Variants in SLC25A43 observed in about 807,000 individuals in gnomAD.
The protein encoded by SLC25A43 is solute carrier family 25, member 43.
SLC25A43 carries 10 observed loss-of-function variants against 22.8 expected under a neutral mutation model. The ratio of observed to expected loss-of-function variants is 0.44; its 90% CI spans 0.27 to 0.74. The LOEUF (loss-of-function observed/expected upper bound fraction) is 0.74. SLC25A43 is among the 30% of genes least tolerant of loss of function. SLC25A43 has a pLI of 0.17. For synonymous variants in SLC25A43, 106 were observed against 121.6 expected, an observed-to-expected ratio of 0.87 and a Z score of 0.84; for missense variants, 233 against 279.1, an observed-to-expected ratio of 0.83 and a Z score of 1.18.
intron 3 of SLC25A43, among the ~76,000 whole-genome samples, chrX:119,441,767 A>G (rs987024019): frequency 1.8e-5 from 2 of 111,670 alleles, no homozygotes; most frequent in East Asian, 5.6e-4. Context: ...TGTTTTAAGC[A>G]GGTGAGTAAA....
intron 3 of SLC25A43, among the ~76,000 whole-genome samples, chrX:119,421,393 A>G (rs1399797886): frequency 1.8e-5 from 2 of 111,909 alleles, no homozygotes; most frequent in African/African-American, 3.3e-5. Flanking sequence ...CTGGCAAATG[A>G]AAATTGTTAA....
Position 119,399,428 on chromosome X carries a change from C to G in SLC25A43, c.25C>G (p.Arg9Gly). 1 of 1,025,109 alleles carries G rather than the reference C, an allele frequency of 9.8e-7. No individual in the cohort carries two copies. Among genetic ancestry groups the G allele is most frequent in the Non-Finnish European group, 1.2e-6 (1 of 805,809 alleles). The allele number at this position is 1,025,109 out of a possible 1,213,427, so 84.5% of individuals were successfully genotyped here. MATWRRDGRLTGGQRLLCA... is the reference protein window; with the variant it reads MATWRRDGGLTGGQRLLCA... ...GATGGCTACGTGGAGGCGGGACGGC[C>G]GACTGACAGGCGGCCAAAGGCTGCT... The change falls in exon 1 of 5, where the codon CGA becomes GGA. Residue 9 changes from arginine (R) to glycine (G), a missense_variant. By Grantham distance (125) the Arg-to-Gly change is moderately radical (BLOSUM62 -2). Transcript: ENST00000217909.
intron 3 of SLC25A43, among the ~76,000 whole-genome samples, chrX:119,431,551 A>C (rs1569373302): frequency 9.0e-6 from 1 of 111,704 alleles, no homozygotes; most frequent in African/African-American, 3.2e-5. Context: ...AAGAGGAAAA[A>C]AAAGAAAGAA....
At chrX:119,451,827 T>C in intron 3 of SLC25A43, 182 bp from the exon 4 acceptor site, 6 of 1,070,800 alleles carry the variant, frequency 5.6e-6, no homozygotes, top group Non-Finnish European at 7.3e-6. Context: ...ATGATTGTAT[T>C]GCACGTTAAT....
intron 3 of SLC25A43, among the ~76,000 whole-genome samples, chrX:119,422,162 G>A (rs1160812697): frequency 1.8e-5 from 2 of 111,965 alleles, no homozygotes; most frequent in Non-Finnish European, 3.8e-5. Context: ...TGATCCACCC[G>A]CCTCAGCCTC....
intron 3 of SLC25A43, among the ~76,000 whole-genome samples, chrX:119,443,441 T>A (rs1241799002): frequency 3.2e-5 from 2 of 62,232 alleles, no homozygotes; most frequent in Non-Finnish European, 5.8e-5. Flanking sequence ...ATTCTCTCTC[T>A]CTCTCTCTTT....
chrX:119,431,415 A>G (rs2052550050), intron 3 of SLC25A43, among the ~76,000 whole-genome samples: 1 of 109,892 alleles, frequency 9.1e-6, no homozygotes, highest in Non-Finnish European at 1.9e-5. Flanking sequence ...CAAGAGGCTG[A>G]GGCAGGAGAA....
At position 119,443,268 on chromosome X, in the gene SLC25A43, T is replaced by C. The variant is rs770879051; in HGVS notation, c.691-8741T>C. On this transcript the variant is annotated intron_variant, in intron 3 of 4. Coordinates refer to ENST00000217909, the MANE Select transcript of SLC25A43 (RefSeq NM_145305.3). ...CCGAGTGGCCGGGATTACAGGCATC[T>C]GCCACCATGCCCGGCTAATTTTTGT... Among the ~76,000 whole-genome samples, 631 of 107,980 alleles carry C rather than the reference T, an allele frequency of 5.8e-3. 5 individuals are homozygous for C. Among genetic ancestry groups the C allele is most frequent in the African/African-American group, 0.02 (582 of 29,601 alleles). The allele number at this position is 107,980 out of a possible 115,157, so 93.8% of individuals were successfully genotyped here.
At chrX:119,399,950 C>T (rs1290725964) in intron 1 of SLC25A43, among the ~76,000 whole-genome samples, 4 of 112,517 alleles carry the variant, frequency 3.6e-5, no homozygotes, top group Admixed American at 9.3e-5. Flanking sequence ...CGGATTGGAC[C>T]GGGCGAGGAG....
At chrX:119,450,327 C>T (rs894723611) in intron 3 of SLC25A43, among the ~76,000 whole-genome samples, 2 of 110,890 alleles carry the variant, frequency 1.8e-5, no homozygotes, top group African/African-American at 6.6e-5. Flanking sequence ...ACCAGGAGGT[C>T]GACAATGGAA....
At chrX:119,448,117 AT>A (rs1472329415) in intron 3 of SLC25A43, among the ~76,000 whole-genome samples, 1 of 111,528 alleles carries the variant, frequency 9.0e-6, no homozygotes, top group Admixed American at 9.6e-5. Flanking sequence ...CTTTAGAGCC[AT>A]CCTTGACTCT....
At chrX:119,452,685 C>A (rs2052715800) in intron 4 of SLC25A43, among the ~76,000 whole-genome samples, 180 bp from the exon 5 acceptor site, 1 of 111,225 alleles carries the variant, frequency 9.0e-6, no homozygotes, top group African/African-American at 3.3e-5. Flanking sequence ...CCTCTCCCAA[C>A]CCACACTGAG....
intron 3 of SLC25A43, among the ~76,000 whole-genome samples, chrX:119,419,076 G>A (rs753849781): frequency 9.8e-5 from 11 of 112,316 alleles, no homozygotes; most frequent in Non-Finnish European, 2.1e-4. Context: ...CTCTGCACAG[G>A]TGCATGTGAA....
At position 119,454,451 on chromosome X, in the gene SLC25A43, C is replaced by T. The variant is rs747178251; in HGVS notation, c.*1386C>T. 2.7e-5 allele frequency: 3 copies of T among 111,967 alleles called. No homozygotes were observed. Among genetic ancestry groups the T allele is most frequent in the Admixed American group, 9.5e-5 (1 of 10,490 alleles). 9.2% of individuals were successfully genotyped at this position (111,967 alleles called of 1,213,427 possible). A position where few individuals can be genotyped will look rare whatever the true frequency, so the allele number is the denominator to read the frequency against. On this transcript the variant is annotated 3_prime_UTR_variant, in exon 5 of 5. Transcript: ENST00000217909. ...TTCGGTATGTTGCAAGTATTTTTTC[C>T]GATTAAATTTATTTTCCAAAGAAAA...
At chrX:119,409,745 A>C (rs972157033) in intron 2 of SLC25A43, among the ~76,000 whole-genome samples, 2 of 109,607 alleles carry the variant, frequency 1.8e-5, no homozygotes, top group Non-Finnish European at 3.8e-5. Context: ...TCTCCCAAGT[A>C]GCTGGGATTA....
intron 3 of SLC25A43, among the ~76,000 whole-genome samples, chrX:119,442,214 G>T (rs2052628528): frequency 8.9e-6 from 1 of 112,605 alleles, no homozygotes; most frequent in Admixed American, 9.4e-5. Context: ...GCAGGTAAGA[G>T]TTCAGTCAAG....
intron 3 of SLC25A43, among the ~76,000 whole-genome samples, chrX:119,424,683 G>T (rs905343643): frequency 8.9e-6 from 1 of 112,445 alleles, no homozygotes; most frequent in Non-Finnish European, 1.9e-5. Context: ...GTCTTAATCC[G>T]TTCAGGCTGC....
intron 3 of SLC25A43, among the ~76,000 whole-genome samples, chrX:119,432,234 G>C (rs1156691297): frequency 8.9e-6 from 1 of 111,777 alleles, no homozygotes; most frequent in Non-Finnish European, 1.9e-5. Flanking sequence ...CTCAATATGT[G>C]ATGATATTAA....
chrX:119,402,715 T>C (rs1329340189), intron 1 of SLC25A43, among the ~76,000 whole-genome samples: 1 of 110,886 alleles, frequency 9.0e-6, no homozygotes, highest in Non-Finnish European at 1.9e-5. Context: ...CTTCTGTGCA[T>C]GTATGTGTGG....
Sources: gnomAD v4.1 joint callset for allele counts (sites outside exome capture counted in the v4.1 genomes callset) on GRCh38, gnomAD v4.1.1 for gene constraint, MANE v1.5 for transcripts, NCBI Gene and HGNC (gene_info 2026-07-23, HGNC 2026-07-21) for gene names.